CSMD1: variants seen among roughly 807,000 people sequenced by gnomAD.
CSMD1 encodes CUB and Sushi multiple domains 1, also known as CUB and sushi domain-containing protein 1.
Under a neutral mutation model 417.5 loss-of-function variants are expected in CSMD1, and 213 were observed. The ratio of observed to expected loss-of-function variants is 0.51; its 90% confidence interval spans 0.46 to 0.57. The LOEUF (loss-of-function observed/expected upper bound fraction) is 0.57, where lower values mean the gene tolerates loss of function less well. CSMD1 is among the 20% of genes least tolerant of loss of function. CSMD1 has a pLI of 0.00. For synonymous variants in CSMD1, 2,862 were observed against 1,736.8 expected (o/e 1.65, Z -16.11); for missense variants, 6,923 against 4,529.7 (o/e 1.53, Z -15.17).
chr8:4,318,039 T>C (rs1200717682), intron 3 of CSMD1, among the ~76,000 whole-genome samples: 2 of 152,172 alleles, frequency 1.3e-5, no homozygotes, highest in Non-Finnish European at 2.9e-5. Context: ...TAGCAATATA[T>C]AAAATTGTGC....
At chr8:2,998,922 T>G (rs935337054) in intron 53 of CSMD1, among the ~76,000 whole-genome samples, 38 of 152,224 alleles carry the variant, frequency 2.5e-4, no homozygotes, top group African/African-American at 9.2e-4. Flanking sequence ...TGTACATTTT[T>G]CACATCACTA....
At chr8:3,114,433 T>A (rs887921089) in intron 42 of CSMD1, among the ~76,000 whole-genome samples, 4 of 149,638 alleles carry the variant, frequency 2.7e-5, no homozygotes, top group African/African-American at 9.7e-5. Context: ...TATAAAAATA[T>A]AATAAATATG....
intron 3 of CSMD1, among the ~76,000 whole-genome samples, chr8:4,047,807 G>T (rs1426910698): frequency 6.6e-6 from 1 of 151,898 alleles, no homozygotes; most frequent in Non-Finnish European, 1.5e-5. Context: ...AGGTAGTCAG[G>T]AAACACCTCA....
chr8:4,945,518 G>A lies in CSMD1; in HGVS notation c.85+48814C>T, dbSNP rs558772266. On this transcript the variant is annotated intron_variant, in intron 1 of 69. Transcript: ENST00000635120. ...TAAAAAAACAAAATAAAAAGAGGAA[G>A]GACATGAAAAAAAAAAAAGTGGTAC... 2.8e-3 allele frequency among the ~76,000 whole-genome samples: 383 copies of A among 138,390 alleles called. 1 individual carries two copies. Among genetic ancestry groups the A allele is most frequent in the African/African-American group, 9.4e-3 (360 of 38,140 alleles). The allele number at this position is 138,390 out of a possible 152,430, so 90.8% of individuals were successfully genotyped here.
At chr8:4,690,851 C>T (rs971792180) in intron 1 of CSMD1, among the ~76,000 whole-genome samples, 3 of 152,122 alleles carry the variant, frequency 2.0e-5, no homozygotes, top group African/African-American at 2.4e-5. Flanking sequence ...GCCTCAGCCT[C>T]CTGAGCAGCT....
chr8:4,533,467 A>G (rs374705339), intron 2 of CSMD1, among the ~76,000 whole-genome samples: 12 of 152,338 alleles, frequency 7.9e-5, no homozygotes, highest in South Asian at 4.1e-4. Context: ...AGAGGCCTAG[A>G]TCCTCCTATT....
intron 3 of CSMD1, among the ~76,000 whole-genome samples, chr8:4,045,561 A>G (rs1469892259): frequency 6.6e-6 from 1 of 152,186 alleles, no homozygotes; most frequent in African/African-American, 2.4e-5. Flanking sequence ...GCTCAGAAAG[A>G]GGATGTGCAA....
chr8:3,536,422 G>A (rs190333709), intron 10 of CSMD1, among the ~76,000 whole-genome samples: 1 of 152,240 alleles, frequency 6.6e-6, no homozygotes, highest in Non-Finnish European at 1.5e-5. Flanking sequence ...AATGGGCTTA[G>A]AGTCAGAAAG....
At chr8:4,274,291 G>A (rs746815203) in intron 3 of CSMD1, among the ~76,000 whole-genome samples, 6 of 152,056 alleles carry the variant, frequency 3.9e-5, no homozygotes, top group South Asian at 4.1e-4. Context: ...GGCTTATAAC[G>A]TGAAGTATCA....
chr8:4,817,895 A>G (rs1799297485), intron 1 of CSMD1, among the ~76,000 whole-genome samples: 1 of 152,322 alleles, frequency 6.6e-6, no homozygotes, highest in African/African-American at 2.4e-5. Flanking sequence ...AGAACATTAG[A>G]ACAATCAGCA....
At chr8:3,895,609 T>C (rs1371352145) in intron 5 of CSMD1, among the ~76,000 whole-genome samples, 1 of 152,222 alleles carries the variant, frequency 6.6e-6, no homozygotes, top group African/African-American at 2.4e-5. Context: ...ATGTACCATT[T>C]AGTAAAGTCT....
rs1563208901 is a variant in CSMD1, at chr8:4,717,563, T to TCC, written c.86-80006_86-80005insGG. Among the ~76,000 whole-genome samples the TCC allele has an allele frequency of 1.5e-3, 212 of 137,260 alleles. 5 individuals carry two copies. In the South Asian group the frequency reaches 0.04, roughly 26 times the overall value. The allele number at this position is 137,260 out of a possible 152,430, so 90.0% of individuals were successfully genotyped here. A position where few individuals can be genotyped will look rare whatever the true frequency, so the allele number is the denominator to read the frequency against. On this transcript the variant is annotated intron_variant, in intron 1 of 69. Coordinates refer to ENST00000635120, the MANE Select transcript of CSMD1 (RefSeq NM_033225.6). ...CTGTCTGTCTACCTATCTATCTATC[T>TCC]ATCCATCCATCCATCCATCCATACA...
chr8:3,113,801 G>C (rs573281930), intron 42 of CSMD1, among the ~76,000 whole-genome samples: 1 of 152,320 alleles, frequency 6.6e-6, no homozygotes, highest in South Asian at 2.1e-4. Flanking sequence ...GGCACACCTT[G>C]GCACAGGAGG....
At chr8:3,533,656 C>T (rs1282338367) in intron 10 of CSMD1, among the ~76,000 whole-genome samples, 1 of 152,130 alleles carries the variant, frequency 6.6e-6, no homozygotes, top group Non-Finnish European at 1.5e-5. Context: ...CTCTGGGAGG[C>T]CCATGAGCTT....
chr8:3,202,101 A>G (rs12544496), intron 31 of CSMD1, among the ~76,000 whole-genome samples: 17,768 of 152,086 alleles, frequency 0.12, 1,289 homozygotes, highest in Non-Finnish European at 0.16. Flanking sequence ...CTGGAAGGCG[A>G]AGGTTGCAAT....
intron 5 of CSMD1, among the ~76,000 whole-genome samples, chr8:3,779,094 G>C (rs779735271): frequency 1.1e-4 from 16 of 151,828 alleles, no homozygotes; most frequent in Non-Finnish European, 2.2e-4. Context: ...TAGGTTAAAA[G>C]ACTCCTAATG....
At chr8:4,005,073 T>C (rs1290522270) in intron 4 of CSMD1, among the ~76,000 whole-genome samples, 1 of 152,084 alleles carries the variant, frequency 6.6e-6, no homozygotes, top group East Asian at 1.9e-4. Flanking sequence ...CACTGATGTG[T>C]GGGAGCCAAG....
At position 4,110,673 on chromosome 8, in the gene CSMD1, C is replaced by T. The variant is rs1477083014; in HGVS notation, c.416-78574G>A. Among the ~76,000 whole-genome samples, 11 of 151,866 alleles carry T rather than the reference C, an allele frequency of 7.2e-5. No homozygotes were observed. In the East Asian group the frequency reaches 9.7e-4, roughly 13 times the overall value. ...GCATGTGTGTGTTTCTATAAAGTTA[C>T]CTAAGAAAATGTTTTGCTGCTTATA... is the stretch of plus-strand genomic sequence containing the variant. On this transcript the variant is annotated intron_variant, in intron 3 of 69. Coordinates refer to ENST00000635120, the MANE Select transcript of CSMD1 (RefSeq NM_033225.6).
chr8:4,260,887 T>C (rs570761508), intron 3 of CSMD1, among the ~76,000 whole-genome samples: 1 of 152,206 alleles, frequency 6.6e-6, no homozygotes, highest in Non-Finnish European at 1.5e-5. Context: ...TTGTCGTGTT[T>C]GATATTATGA....
Sources: allele counts gnomAD v4.1 joint callset (sites outside exome capture counted in the v4.1 genomes callset), GRCh38; gene constraint gnomAD v4.1.1; transcripts MANE v1.5; gene names NCBI Gene and HGNC (gene_info 2026-07-23, HGNC 2026-07-21).